The following BRAF variants were observed in gnomAD, a reference collection of about 807,000 sequenced individuals.
The protein encoded by BRAF is serine/threonine-protein kinase B-raf.
A neutral mutation model predicts 104.6 loss-of-function variants in BRAF; 16 were observed. The observed-to-expected ratio is 0.15, with a 90% CI of 0.10 to 0.23. BRAF has a LOEUF of 0.23. Ranked by LOEUF, BRAF falls within the 10% of genes least tolerant of loss-of-function variation. The probability of loss-of-function intolerance (pLI) is 1.00; values close to 1 mark genes in which losing one functional copy is unlikely to be tolerated. For missense variants in BRAF, 541 were observed against 937.3 expected (o/e 0.58, Z 5.52); for synonymous variants, 310 against 341.6 (o/e 0.91, Z 1.02).
intron 14 of BRAF, among the ~76,000 whole-genome samples, chr7:140,774,483 C>T (rs1364510896): frequency 1.3e-5 from 2 of 152,166 alleles, no homozygotes; most frequent in Admixed American, 1.3e-4. Context: ...ACCTCGGCCT[C>T]CTAAAGTGTT....
At chr7:140,840,050 G>A (rs1250354522) in intron 2 of BRAF, among the ~76,000 whole-genome samples, 1 of 152,192 alleles carries the variant, frequency 6.6e-6, no homozygotes, top group African/African-American at 2.4e-5. Flanking sequence ...TTCTTTAAAA[G>A]CACCCACTTT....
intron 1 of BRAF, among the ~76,000 whole-genome samples, chr7:140,886,438 T>C (rs1321549491): frequency 1.3e-5 from 2 of 152,186 alleles, no homozygotes; most frequent in African/African-American, 4.8e-5. Flanking sequence ...AACTTCCTAG[T>C]ACAGAGTGCA....
intron 5 of BRAF, among the ~76,000 whole-genome samples, chr7:140,806,077 T>C (rs1027863789): frequency 4.6e-5 from 7 of 152,228 alleles, no homozygotes; most frequent in African/African-American, 1.7e-4. Context: ...CCCACAATAC[T>C]GTTAACAACC....
intron 1 of BRAF, among the ~76,000 whole-genome samples, chr7:140,883,620 C>G (rs1291177424): frequency 6.6e-6 from 1 of 152,178 alleles, no homozygotes; most frequent in Admixed American, 6.5e-5. Context: ...TAACCATACA[C>G]AATAGATCAT....
At chr7:140,768,998 A>C (rs538085863) in intron 14 of BRAF, among the ~76,000 whole-genome samples, 1 of 152,156 alleles carries the variant, frequency 6.6e-6, no homozygotes, top group Non-Finnish European at 1.5e-5. Context: ...TATGAGAAAT[A>C]AGTTTCTTTT....
downstream of BRAF, among the ~76,000 whole-genome samples, chr7:140,717,729 A>G (rs1795165440): frequency 6.6e-6 from 1 of 152,216 alleles, no homozygotes; most frequent in South Asian, 2.1e-4. Context: ...AATTTTAAGG[A>G]AAACCTCACA....
In BRAF at chr7:140,723,581, A is replaced by G. The variant is rs971821402; in HGVS notation, c.*2913T>C. 2 of 1,048,614 alleles carry G rather than the reference A, an allele frequency of 1.9e-6. No individual in the cohort carries two copies. The highest frequency in any genetic ancestry group is 5.5e-5 in the Admixed American group (1 of 18,152). The allele number at this position is 1,048,614 out of a possible 1,614,324, so 65.0% of individuals were successfully genotyped here. On this transcript the variant is annotated 3_prime_UTR_variant, in exon 20 of 20. Coordinates refer to ENST00000644969, the MANE Select transcript of BRAF (RefSeq NM_001374258.1). Reference sequence around the variant, plus strand: ...TTTATAAACTATTTTTTTGGTCAATATTATTTCAGTGGCAAAAGTCTAGGT... The same window carrying G: ...TTTATAAACTATTTTTTTGGTCAATGTTATTTCAGTGGCAAAAGTCTAGGT...
chr7:140,831,879 G>A (rs1806798418), intron 3 of BRAF, among the ~76,000 whole-genome samples: 2 of 152,160 alleles, frequency 1.3e-5, no homozygotes, highest in South Asian at 4.1e-4. Flanking sequence ...TAATTACTCT[G>A]ACGACTACCC....
At chr7:140,902,246 G>C (rs1188252547) in intron 1 of BRAF, among the ~76,000 whole-genome samples, 1 of 152,144 alleles carries the variant, frequency 6.6e-6, no homozygotes, top group East Asian at 1.9e-4. Flanking sequence ...CTATTTTAGT[G>C]TTCTATGATC....
chr7:140,793,982 A>G (rs1337441323), intron 8 of BRAF, among the ~76,000 whole-genome samples: 5 of 152,184 alleles, frequency 3.3e-5, no homozygotes, highest in African/African-American at 1.2e-4. Flanking sequence ...ATTTTTATAA[A>G]AGTTTTAAAG....
chr7:140,835,933 T>A (rs1353975783), intron 2 of BRAF: 1 of 151,884 alleles, frequency 6.6e-6, no homozygotes, highest in African/African-American at 2.4e-5. Context: ...GGCAGTGGAG[T>A]AGGATGGGTG....
intron 2 of BRAF, among the ~76,000 whole-genome samples, chr7:140,846,893 C>T (rs35323537): frequency 0.02 from 2,975 of 152,166 alleles, 37 homozygotes; most frequent in Middle Eastern, 0.031. Flanking sequence ...CGGTGGCTCA[C>T]GCCTATAATC....
intron 1 of BRAF, among the ~76,000 whole-genome samples, chr7:140,881,594 C>G (rs143474962): frequency 9.2e-5 from 14 of 152,252 alleles, no homozygotes; most frequent in Non-Finnish European, 1.8e-4. Flanking sequence ...CTTGTAGTTT[C>G]CTTCCAAAAT....
intron 1 of BRAF, among the ~76,000 whole-genome samples, chr7:140,887,164 T>C (rs1297955055): frequency 6.6e-6 from 1 of 152,182 alleles, no homozygotes; most frequent in East Asian, 1.9e-4. Context: ...AACAACCAGA[T>C]AAGCAGGCTG....
At chr7:140,914,868 T>C (rs944545684) in intron 1 of BRAF, among the ~76,000 whole-genome samples, 1 of 148,700 alleles carries the variant, frequency 6.7e-6, no homozygotes, top group Non-Finnish European at 1.5e-5. Flanking sequence ...TGAAATCCCA[T>C]CTCTACCAAA....
At chr7:140,804,433 A>G (rs927211572) in intron 5 of BRAF, among the ~76,000 whole-genome samples, 1 of 151,226 alleles carries the variant, frequency 6.6e-6, no homozygotes, top group African/African-American at 2.4e-5. Context: ...ACTTTTAATT[A>G]CATGATTGTA....
chr7:140,896,888 G>T (rs575020847), intron 1 of BRAF, among the ~76,000 whole-genome samples: 21 of 147,844 alleles, frequency 1.4e-4, no homozygotes, highest in African/African-American at 3.5e-4. Context: ...AAAAAGGGGT[G>T]GGGGGGGAAG....
chr7:140,783,818 C>G (rs1221412596), intron 10 of BRAF, among the ~76,000 whole-genome samples: 1 of 152,220 alleles, frequency 6.6e-6, no homozygotes, highest in Non-Finnish European at 1.5e-5. Flanking sequence ...GCATATTTCT[C>G]AAGACTTTCT....
intron 14 of BRAF, among the ~76,000 whole-genome samples, chr7:140,771,409 G>T (rs1448128566): frequency 6.6e-6 from 1 of 152,112 alleles, no homozygotes; most frequent in Non-Finnish European, 1.5e-5. Context: ...GCCCAGGCTG[G>T]TCTTGAACTC....
Sources: gnomAD v4.1 joint callset for allele counts (sites outside exome capture counted in the v4.1 genomes callset) on GRCh38, gnomAD v4.1.1 for gene constraint, MANE v1.5 for transcripts, NCBI Gene and HGNC (gene_info 2026-07-23, HGNC 2026-07-21) for gene names.